The following NELL2 variants were observed in gnomAD, a reference collection of about 807,000 sequenced individuals.
NELL2 encodes neural EGFL like 2, also known as protein kinase C-binding protein NELL2.
NELL2 carries 41 observed loss-of-function variants against 109.6 expected under a neutral mutation model. The ratio of observed to expected loss-of-function variants is 0.37; its 90% CI spans 0.29 to 0.49. The LOEUF is 0.49. NELL2 is among the 20% of genes least tolerant of loss of function. The pLI is 0.98. For synonymous variants in NELL2, 355 were observed against 344.7 expected (o/e 1.03, Z -0.33); for missense variants, 900 against 1,008.3 (o/e 0.89, Z 1.45).
chr12:44,920,466 T>A (rs1945860648), intron 1 of NELL2, among the ~76,000 whole-genome samples: 1 of 152,200 alleles, frequency 6.6e-6, no homozygotes, highest in Non-Finnish European at 1.5e-5. Flanking sequence ...TTCACTTAAT[T>A]ACAACCTTCA....
Position 44,822,161 on chromosome 12 carries a change from A to T in NELL2, c.185-6025T>A, listed in dbSNP as rs148859369. On this transcript the variant is annotated intron_variant, in intron 2 of 19. Transcript: ENST00000429094. Reference sequence around the variant, plus strand: ...AATAAAGTGCAGTGGTTACAGGAACAAACTTTGAAGCCAGAAGCATGAGGT... The same window carrying T: ...AATAAAGTGCAGTGGTTACAGGAACTAACTTTGAAGCCAGAAGCATGAGGT... Among the ~76,000 whole-genome samples, 725 of 152,314 alleles carry T rather than the reference A, an allele frequency of 4.8e-3. 2 individuals carry two copies. The highest frequency in any genetic ancestry group is 7.9e-3 in the Non-Finnish European group (539 of 68,030).
intron 12 of NELL2, among the ~76,000 whole-genome samples, chr12:44,701,971 C>T (rs1344724048): frequency 2.0e-5 from 3 of 152,258 alleles, no homozygotes; most frequent in Non-Finnish European, 2.9e-5. Context: ...CGCTCCACTA[C>T]GTTTTCCTTC....
chr12:44,703,378 A>C (rs1937661634), intron 12 of NELL2, among the ~76,000 whole-genome samples: 1 of 152,150 alleles, frequency 6.6e-6, no homozygotes. Flanking sequence ...GTTACACAAC[A>C]CTGTCTGGAA....
At chr12:44,788,981 C>T (rs1429802343) in intron 3 of NELL2, among the ~76,000 whole-genome samples, 1 of 152,050 alleles carries the variant, frequency 6.6e-6, no homozygotes, top group African/African-American at 2.4e-5. Flanking sequence ...AACCTCACCC[C>T]CAACCCCCAC....
At chr12:44,707,151 A>G (rs1044524945) in intron 11 of NELL2, among the ~76,000 whole-genome samples, 5 of 152,190 alleles carry the variant, frequency 3.3e-5, no homozygotes, top group African/African-American at 1.2e-4. Context: ...TGCTTATAAG[A>G]AAATGGACTC....
intron 9 of NELL2, among the ~76,000 whole-genome samples, chr12:44,730,231 T>C (rs566177664): frequency 1.3e-5 from 2 of 151,854 alleles, no homozygotes; most frequent in Non-Finnish European, 2.9e-5. Context: ...GAATAGAAGA[T>C]CCAAACAAAA....
intron 2 of NELL2, among the ~76,000 whole-genome samples, chr12:44,864,634 C>A (rs1471349606): frequency 6.6e-6 from 1 of 152,072 alleles, no homozygotes; most frequent in Non-Finnish European, 1.5e-5. Context: ...AACTTTAATA[C>A]CCTACTTTCA....
intron 3 of NELL2, among the ~76,000 whole-genome samples, chr12:44,814,425 C>G (rs1943271889): frequency 6.6e-6 from 1 of 152,158 alleles, no homozygotes; most frequent in Non-Finnish European, 1.5e-5. Flanking sequence ...CTCTTGTTGC[C>G]TGAAAGCTCA....
At chr12:44,512,193 G>A (rs573166240) in intron 19 of NELL2, among the ~76,000 whole-genome samples, 1 of 152,244 alleles carries the variant, frequency 6.6e-6, no homozygotes, top group South Asian at 2.1e-4. Flanking sequence ...TTGCTGAAAA[G>A]AAGTCATACA....
intron 3 of NELL2, among the ~76,000 whole-genome samples, chr12:44,803,316 G>C (rs1031399476): frequency 4.6e-5 from 7 of 151,964 alleles, no homozygotes; most frequent in African/African-American, 1.7e-4. Flanking sequence ...TTAGATAGTT[G>C]GTGATGTTTG....
intron 13 of NELL2, among the ~76,000 whole-genome samples, chr12:44,627,577 T>C (rs1406476947): frequency 2.6e-5 from 4 of 152,190 alleles, no homozygotes; most frequent in Non-Finnish European, 5.9e-5. Flanking sequence ...AATTGTATAG[T>C]TGACTGCTCT....
intron 3 of NELL2, among the ~76,000 whole-genome samples, chr12:44,813,061 G>C (rs1454415169): frequency 6.6e-6 from 1 of 152,112 alleles, no homozygotes; most frequent in Non-Finnish European, 1.5e-5. Flanking sequence ...GTATTTTCAA[G>C]CACTCTATAT....
intron 15 of NELL2, among the ~76,000 whole-genome samples, chr12:44,589,470 A>T (rs1944664740): frequency 6.6e-6 from 1 of 151,798 alleles, no homozygotes; most frequent in Non-Finnish European, 1.5e-5. Context: ...TGCAACCTCC[A>T]CCTCCCAGGT....
rs547629028 is a variant in NELL2, at chr12:44,593,619, C to T, written c.1663+13550G>A. ...AATCCTTTGGGTATATACCCAGTAA[C>T]GGGATTGCTGGGTCAAATGGTATTT... On this transcript the variant is annotated intron_variant, in intron 15 of 19. Coordinates refer to ENST00000429094, the MANE Select transcript of NELL2 (RefSeq NM_001145108.2). Among the ~76,000 whole-genome samples, 32 of 152,210 alleles carry T rather than the reference C, an allele frequency of 2.1e-4. No homozygotes were observed. The South Asian group carries it at 5.4e-3, about 26-fold the overall frequency.
rs375211232 is a variant in NELL2, at chr12:44,763,872, A to T, written c.994+10875T>A. 2.2e-4 allele frequency among the ~76,000 whole-genome samples: 25 copies of T among 113,942 alleles called. No homozygotes were observed. In the East Asian group the frequency reaches 2.5e-3, roughly 12 times the overall value. 74.8% of individuals were successfully genotyped at this position (113,942 alleles called of 152,430 possible). A position where few individuals can be genotyped will look rare whatever the true frequency, so the allele number is the denominator to read the frequency against. Reference sequence around the variant, plus strand: ...TTCTTATCCTTACAAGATTTACAATAAAAAAAACAAAGACTTCATCGTATT... The same window carrying T: ...TTCTTATCCTTACAAGATTTACAATTAAAAAAACAAAGACTTCATCGTATT... On this transcript the variant is annotated intron_variant, in intron 9 of 19. Transcript: ENST00000429094.
chr12:44,866,536 TCAAA>T (rs1225462267), intron 2 of NELL2, among the ~76,000 whole-genome samples: 2 of 150,312 alleles, frequency 1.3e-5, no homozygotes, highest in Admixed American at 6.6e-5. Context: ...GAAGAAAATC[TCAAA>T]CAAATAACCT....
intron 9 of NELL2, among the ~76,000 whole-genome samples, chr12:44,736,395 C>G (rs1336780015): frequency 6.6e-6 from 1 of 152,056 alleles, no homozygotes; most frequent in Non-Finnish European, 1.5e-5. Context: ...CAAGGCCCTG[C>G]TACACAGAAA....
intron 2 of NELL2, among the ~76,000 whole-genome samples, chr12:44,865,919 C>T (rs1944986545): frequency 6.6e-6 from 1 of 151,632 alleles, no homozygotes. Flanking sequence ...TAAGTGTATA[C>T]GTCTTTCCGA....
rs1192960542 is a variant in NELL2, at chr12:44,664,344, T to C, written c.1444+1140A>G. Among the ~76,000 whole-genome samples, 5 of 152,130 alleles carry C rather than the reference T, an allele frequency of 3.3e-5. No homozygotes were observed. In the South Asian group the frequency reaches 8.3e-4, roughly 25 times the overall value. On this transcript the variant is annotated intron_variant, in intron 13 of 19. Transcript: ENST00000429094. Reference sequence around the variant, plus strand: ...TATTAAATATCTTCTACCTCCAGGATATCTTCAGTTATTTTCCATAAATCG... The same window carrying C: ...TATTAAATATCTTCTACCTCCAGGACATCTTCAGTTATTTTCCATAAATCG...
Sources: gnomAD v4.1 joint callset for allele counts (sites outside exome capture counted in the v4.1 genomes callset) on GRCh38, gnomAD v4.1.1 for gene constraint, MANE v1.5 for transcripts, NCBI Gene and HGNC (gene_info 2026-07-23, HGNC 2026-07-21) for gene names.